The following FGD3 variants were observed in gnomAD, a reference collection of about 807,000 sequenced individuals.
FGD3 encodes FYVE, RhoGEF and PH domain containing 3.
A neutral mutation model predicts 71.8 loss-of-function variants in FGD3; 45 were observed. The observed-to-expected ratio is 0.63, with a 90% CI of 0.49 to 0.80. FGD3 has a LOEUF of 0.80. FGD3 is among the 30% of genes least tolerant of loss of function. The probability of loss-of-function intolerance (pLI) is 0.00; values close to 1 mark genes in which losing one functional copy is unlikely to be tolerated. For synonymous variants in FGD3, 378 were observed against 392.8 expected, an observed-to-expected ratio of 0.96 and a Z score of 0.44; for missense variants, 844 against 951.5, an observed-to-expected ratio of 0.89 and a Z score of 1.49.
chr9:93,010,902 A>C (rs1329113073), intron 7 of FGD3, among the ~76,000 whole-genome samples: 1 of 152,124 alleles, frequency 6.6e-6, no homozygotes, highest in Non-Finnish European at 1.5e-5. Context: ...AATGGGCCTC[A>C]TAGGGCTGGT....
At chr9:93,024,475 C>T (rs34002351) in intron 14 of FGD3, among the ~76,000 whole-genome samples, 22,361 of 152,312 alleles carry the variant, frequency 0.15, 1,818 homozygotes, top group Non-Finnish European at 0.18. Flanking sequence ...GCCTGATGAC[C>T]CTCCATGTCC....
intron 3 of FGD3, among the ~76,000 whole-genome samples, chr9:92,991,290 G>A (rs573903408): frequency 1.3e-5 from 2 of 152,052 alleles, no homozygotes; most frequent in Non-Finnish European, 2.9e-5. Flanking sequence ...TGTTTCCCAG[G>A]CTGGTTTCAA....
chr9:92,968,241 TCATA>T (rs1859402867), intron 1 of FGD3, among the ~76,000 whole-genome samples: 1 of 152,070 alleles, frequency 6.6e-6, no homozygotes, highest in East Asian at 1.9e-4. Flanking sequence ...TCATGAAGAC[TCATA>T]CAGTCTTAAA....
chr9:92,991,522 A>G (rs1416545303), intron 3 of FGD3, among the ~76,000 whole-genome samples: 1 of 152,202 alleles, frequency 6.6e-6, no homozygotes, highest in Admixed American at 6.5e-5. Context: ...TAAGATACCT[A>G]ATATAATTTT....
At chr9:93,026,608 G>A (rs1862123691) in intron 14 of FGD3, among the ~76,000 whole-genome samples, 3 of 152,232 alleles carry the variant, frequency 2.0e-5, no homozygotes, top group African/African-American at 7.2e-5. Context: ...AAGGAAGCCA[G>A]TGGGACTCCC....
At chr9:93,009,144 T>C (rs1389135259) in intron 6 of FGD3, among the ~76,000 whole-genome samples, 1 of 151,768 alleles carries the variant, frequency 6.6e-6, no homozygotes, top group African/African-American at 2.4e-5. Flanking sequence ...GCACCTGTAA[T>C]CCCAGTTACT....
chr9:93,035,245 T>A lies in FGD3; in HGVS notation c.1927-93T>A, dbSNP rs1862549090. 5 of 1,510,614 alleles carry A rather than the reference T, an allele frequency of 3.3e-6. No homozygotes were observed. In the African/African-American group the frequency reaches 4.1e-5, roughly 12 times the overall value. The allele number at this position is 1,510,614 out of a possible 1,614,324, so 93.6% of individuals were successfully genotyped here. A position where few individuals can be genotyped will look rare whatever the true frequency, so the allele number is the denominator to read the frequency against. On this transcript the variant is annotated intron_variant, in intron 17 of 17. Transcript: ENST00000375482. ...GCACCTGCCTTGCGTTGCAAGGGTC[T>A]GGGAGTGGCCTCCTGGGAGAGGCCC... is the stretch of plus-strand genomic sequence containing the variant.
intron 6 of FGD3, among the ~76,000 whole-genome samples, chr9:93,008,057 T>C (rs1186883000): frequency 6.6e-6 from 1 of 152,250 alleles, no homozygotes; most frequent in Non-Finnish European, 1.5e-5. Flanking sequence ...ACTTTTATTT[T>C]GAAATAACTT....
chr9:93,006,240 T>A, intron 6 of FGD3, 60 bp downstream of exon 6: 1 of 1,436,954 alleles, frequency 7.0e-7, no homozygotes, highest in African/African-American at 1.4e-5. Flanking sequence ...AGCCTGGTGT[T>A]TTATTTTTTA....
intron 3 of FGD3, among the ~76,000 whole-genome samples, chr9:92,985,727 C>G (rs1276522935): frequency 1.3e-5 from 2 of 152,104 alleles, no homozygotes; most frequent in Non-Finnish European, 2.9e-5. Context: ...ATCCACCCAC[C>G]TCAACCTCCC....
chr9:92,981,674 T>A (rs908657029), intron 3 of FGD3, among the ~76,000 whole-genome samples: 8 of 152,206 alleles, frequency 5.3e-5, no homozygotes, highest in Non-Finnish European at 2.9e-5. Flanking sequence ...ATCTCTATTT[T>A]TTCCTTCAAT....
chr9:92,978,679 C>T (rs1225128436), intron 3 of FGD3, among the ~76,000 whole-genome samples: 1 of 99,300 alleles, frequency 1.0e-5, no homozygotes, highest in Non-Finnish European at 2.1e-5. Flanking sequence ...CCCCTCCCCC[C>T]TCTTCCTTCC....
At chr9:92,999,909 T>C (rs2118685298) in intron 3 of FGD3, among the ~76,000 whole-genome samples, 1 of 152,204 alleles carries the variant, frequency 6.6e-6, no homozygotes, top group African/African-American at 2.4e-5. Context: ...TGTCTTTTGA[T>C]TGGGAAGTTT....
chr9:92,952,955 G>T (rs1472551682), intron 1 of FGD3, among the ~76,000 whole-genome samples: 2 of 152,198 alleles, frequency 1.3e-5, no homozygotes, highest in Admixed American at 1.3e-4. Context: ...TTAGACTAAG[G>T]ATTGAATAGT....
In FGD3 at chr9:93,002,989, T is replaced by C; in HGVS notation, c.518T>C (p.Val173Ala). ...QELLHTEETY[V>A]KRLHLLDQVF... ...CTCCTGCACACCGAGGAGACCTATG[T>C]GAAGCGGCTGCACCTGCTGGACCAG... The change falls in exon 4 of 18, where the codon GTG (valine) becomes GCG (alanine). Residue 173 changes from valine to alanine, a missense_variant. By Grantham distance (64) the Val-to-Ala change is moderately conservative. Coordinates refer to ENST00000375482, the MANE Select transcript of FGD3 (RefSeq NM_001083536.2). The C allele has an allele frequency of 2.5e-6, 4 of 1,614,208 alleles. No individual in the cohort carries two copies. The highest frequency in any genetic ancestry group is 1.7e-6 in the Non-Finnish European group (2 of 1,180,040).
rs1326497099 is a variant in FGD3 at position 93,022,340 on chromosome 9, G to C, written c.1508G>C (p.Ser503Thr). ...LSPDMPITST[S>T]PVEPVVTTEG... ...TGTCCCTTCTAGATCACGAGCACCA[G>C]CCCTGTGGAGCCTGTGGTGACCACC... The change falls in exon 14 of 18, where the codon AGC becomes ACC. Residue 503 changes from serine (S) to threonine (T), a missense_variant. By Grantham distance (58) the Ser-to-Thr change is moderately conservative. Transcript: ENST00000375482. 6.2e-7 allele frequency: 1 copy of C among 1,612,256 alleles called. No individual in the cohort carries two copies. The highest frequency in any genetic ancestry group is 8.5e-7 in the Non-Finnish European group (1 of 1,179,280).
intron 1 of FGD3, among the ~76,000 whole-genome samples, chr9:92,959,892 C>T (rs1859137578): frequency 6.6e-6 from 1 of 151,744 alleles, no homozygotes; most frequent in African/African-American, 2.4e-5. Context: ...CCTGTACCCC[C>T]ATGCCCTCAT....
chr9:93,014,708 C>T (rs548986619), intron 9 of FGD3, among the ~76,000 whole-genome samples: 22 of 152,246 alleles, frequency 1.4e-4, no homozygotes, highest in South Asian at 4.1e-4. Context: ...GTGGCTCAAT[C>T]TCGGCTCACT....
chr9:93,029,868 T>C lies in FGD3; in HGVS notation c.1558-6T>C, dbSNP rs759895848. On this transcript the variant is annotated splice_region_variant and splice_polypyrimidine_tract_variant and intron_variant, in intron 14 of 17. Transcript: ENST00000375482. The stretch of plus-strand genomic sequence containing the variant: ...AAGCTGATGGCATCTATTTGCCTCC[T>C]TATAGCTCGAGCCCAGAAAACTATC... 2 of 1,611,716 alleles carry C rather than the reference T, an allele frequency of 1.2e-6. No homozygotes were observed. Among genetic ancestry groups the C allele is most frequent in the South Asian group, 2.2e-5 (2 of 90,900 alleles).
Sources: allele counts gnomAD v4.1 joint callset (sites outside exome capture counted in the v4.1 genomes callset), GRCh38; gene constraint gnomAD v4.1.1; transcripts MANE v1.5; gene names NCBI Gene and HGNC (gene_info 2026-07-23, HGNC 2026-07-21).